The following TLN2 variants were observed in gnomAD, a reference collection of about 807,000 sequenced individuals.
TLN2 encodes the protein talin 2.
A neutral mutation model predicts 294.7 loss-of-function variants in TLN2; 118 were observed. That is an observed-to-expected ratio of 0.40 (90% CI 0.34 to 0.47). TLN2 has a LOEUF of 0.47. Ranked by LOEUF, TLN2 falls within the 20% of genes least tolerant of loss-of-function variation. TLN2 has a pLI of 0.84. For missense variants in TLN2, 3,083 were observed against 3,282.2 expected, an observed-to-expected ratio of 0.94 and a Z score of 1.48; for synonymous variants, 1,431 against 1,304.5, an observed-to-expected ratio of 1.10 and a Z score of -2.09.
chr15:62,437,183 C>T (rs551186939), intron 1 of TLN2, among the ~76,000 whole-genome samples: 1 of 152,312 alleles, frequency 6.6e-6, no homozygotes, highest in South Asian at 2.1e-4. Context: ...AGGAAAAATA[C>T]CATCAAGGGC....
At chr15:62,715,392 C>T (rs1482530570) in intron 22 of TLN2, among the ~76,000 whole-genome samples, 1 of 152,180 alleles carries the variant, frequency 6.6e-6, no homozygotes, top group East Asian at 1.9e-4. Flanking sequence ...AGACATCAAG[C>T]ACATGTTACA....
At chr15:62,511,204 G>A (rs1446993781) in intron 1 of TLN2, among the ~76,000 whole-genome samples, 1 of 152,212 alleles carries the variant, frequency 6.6e-6, no homozygotes, top group Non-Finnish European at 1.5e-5. Flanking sequence ...TGTTATTAAT[G>A]ACATATGAAC....
chr15:62,815,296 A>G (rs1160969820), intron 52 of TLN2, among the ~76,000 whole-genome samples: 1 of 151,656 alleles, frequency 6.6e-6, no homozygotes, highest in Non-Finnish European at 1.5e-5. Flanking sequence ...TGATCATATG[A>G]CCATGGCCTC....
At chr15:62,577,219 G>A (rs1055009093) in intron 1 of TLN2, among the ~76,000 whole-genome samples, 9 of 152,148 alleles carry the variant, frequency 5.9e-5, no homozygotes, top group Non-Finnish European at 7.3e-5. Flanking sequence ...TGAGGCGGGC[G>A]GATCACCTGA....
chr15:62,603,463 T>C (rs983568197), intron 2 of TLN2, among the ~76,000 whole-genome samples: 1 of 152,134 alleles, frequency 6.6e-6, no homozygotes, highest in African/African-American at 2.4e-5. Flanking sequence ...GAGTCCTCAC[T>C]CCTTTGTGTA....
At chr15:62,496,279 A>G (rs1226632582) in intron 1 of TLN2, among the ~76,000 whole-genome samples, 2 of 152,194 alleles carry the variant, frequency 1.3e-5, no homozygotes, top group African/African-American at 4.8e-5. Flanking sequence ...ATGCCCAGAG[A>G]AGATTTACTT....
chr15:62,671,826 T>C (rs1000817331), intron 9 of TLN2, among the ~76,000 whole-genome samples: 1 of 152,232 alleles, frequency 6.6e-6, no homozygotes, highest in African/African-American at 2.4e-5. Context: ...AATTGTATCC[T>C]GATGGTATCA....
chr15:62,703,839 A>G (rs541820394), intron 19 of TLN2, among the ~76,000 whole-genome samples: 53 of 152,232 alleles, frequency 3.5e-4, no homozygotes, highest in African/African-American at 1.3e-3. Context: ...TGCAGCTCAG[A>G]AAGCATCAGA....
intron 1 of TLN2, among the ~76,000 whole-genome samples, chr15:62,426,326 G>C (rs1188945428): frequency 6.6e-6 from 1 of 152,178 alleles, no homozygotes; most frequent in African/African-American, 2.4e-5. Flanking sequence ...GCATTTATTA[G>C]GCCCTATACC....
intron 1 of TLN2, among the ~76,000 whole-genome samples, chr15:62,577,654 A>C (rs1441276302): frequency 6.6e-6 from 1 of 152,146 alleles, no homozygotes; most frequent in African/African-American, 2.4e-5. Flanking sequence ...ATAGGGGTTC[A>C]TGATGATGTT....
chr15:62,840,847 G>A lies in TLN2; in HGVS notation c.*237G>A, dbSNP rs62007063. 0.067 allele frequency: 33,171 copies of A among 497,284 alleles called. 1,842 individuals carry two copies. The highest frequency in any genetic ancestry group is 0.17 in the East Asian group (5,103 of 29,444). The allele number at this position is 497,284 out of a possible 1,614,324, so 30.8% of individuals were successfully genotyped here. ...CTGCCGCCTCCCCTCATGCCTCACC[G>A]TGTCTCAGGAGAGAGGGGTGCACGT... On this transcript the variant is annotated 3_prime_UTR_variant, in exon 59 of 59. Coordinates refer to ENST00000636159, the MANE Select transcript of TLN2 (RefSeq NM_015059.3).
chr15:62,800,731 CT>C lies in TLN2; in HGVS notation c.6441del (p.Glu2148ArgfsTer7). The C allele has an allele frequency of 6.2e-7, 1 of 1,613,642 alleles. No homozygotes were observed. The highest frequency in any genetic ancestry group is 8.5e-7 in the Non-Finnish European group (1 of 1,179,792). The stretch of plus-strand genomic sequence containing the variant: ...TGAGGCCACCCGGGGCACCAGGGCG[CT>C]TGAGGCCACAATTGAATGCATAAAG... ...EDEATRGTRA[L>X]EATIECIKQE... On this transcript the variant is annotated frameshift_variant, in exon 50 of 59. Coordinates refer to ENST00000636159, the MANE Select transcript of TLN2 (RefSeq NM_015059.3). LOFTEE classifies it high-confidence loss of function.
chr15:62,452,324 G>A (rs893138275), intron 1 of TLN2, among the ~76,000 whole-genome samples: 8 of 152,108 alleles, frequency 5.3e-5, no homozygotes, highest in Non-Finnish European at 8.8e-5. Context: ...CTTTTGCATT[G>A]TGTAAGGTTC....
intron 1 of TLN2, among the ~76,000 whole-genome samples, chr15:62,461,177 C>G (rs1595860680): frequency 1.3e-5 from 2 of 152,224 alleles, no homozygotes; most frequent in East Asian, 1.9e-4. Flanking sequence ...CTCGAACTTC[C>G]TCGTGATCCG....
At chr15:62,743,560 T>A (rs909907641) in intron 32 of TLN2, among the ~76,000 whole-genome samples, 1 of 152,140 alleles carries the variant, frequency 6.6e-6, no homozygotes, top group Non-Finnish European at 1.5e-5. Context: ...TTCATTTTCT[T>A]CCCGTGTAAC....
At chr15:62,791,134 G>A (rs2899684) in intron 45 of TLN2, among the ~76,000 whole-genome samples, 2 of 151,470 alleles carry the variant, frequency 1.3e-5, no homozygotes, top group Non-Finnish European at 2.9e-5. Context: ...ATCACCTGAG[G>A]TCAGGAGTTC....
intron 1 of TLN2, among the ~76,000 whole-genome samples, chr15:62,447,455 C>A (rs2140314577): frequency 6.7e-6 from 1 of 148,804 alleles, no homozygotes; most frequent in Middle Eastern, 3.6e-3. Context: ...GAGGCTCAGT[C>A]TTTCTCCTGG....
intron 3 of TLN2, among the ~76,000 whole-genome samples, chr15:62,621,218 T>C (rs2048797749): frequency 1.3e-5 from 2 of 152,148 alleles, no homozygotes; most frequent in South Asian, 4.1e-4. Context: ...TTGTTTACCT[T>C]TGTCAGCACT....
chr15:62,480,386 G>A (rs1054750610), intron 1 of TLN2, among the ~76,000 whole-genome samples: 2 of 152,008 alleles, frequency 1.3e-5, no homozygotes, highest in African/African-American at 2.4e-5. Flanking sequence ...GCTAATTTTT[G>A]TATTTTTATT....
Sources: allele counts gnomAD v4.1 joint callset (sites outside exome capture counted in the v4.1 genomes callset), GRCh38; gene constraint gnomAD v4.1.1; transcripts MANE v1.5; gene names NCBI Gene and HGNC (gene_info 2026-07-23, HGNC 2026-07-21).